CPNE4: variants seen among roughly 807,000 people sequenced by gnomAD.
CPNE4 encodes the protein copine-4.
In CPNE4, 25 loss-of-function variants were observed where a neutral mutation model predicts 67.9. The ratio of observed to expected loss-of-function variants is 0.37; its 90% CI spans 0.27 to 0.51. The LOEUF (loss-of-function observed/expected upper bound fraction) is 0.51. Among genes scored for constraint, CPNE4 ranks in the 20% least tolerant of loss-of-function variants. The pLI is 0.93. For synonymous variants in CPNE4, 242 were observed against 244.9 expected, an observed-to-expected ratio of 0.99 and a Z score of 0.11; for missense variants, 464 against 690.8, an observed-to-expected ratio of 0.67 and a Z score of 3.68.
chr3:131,983,670 A>G (rs902311778), intron 1 of CPNE4, among the ~76,000 whole-genome samples: 1 of 152,204 alleles, frequency 6.6e-6, no homozygotes, highest in African/African-American at 2.4e-5. Context: ...TGGATTTGAG[A>G]ACAAGCAAAG....
chr3:131,817,787 C>T (rs931003800), intron 2 of CPNE4, among the ~76,000 whole-genome samples: 2 of 152,188 alleles, frequency 1.3e-5, no homozygotes, highest in Non-Finnish European at 2.9e-5. Flanking sequence ...GACGTATTCT[C>T]TTGAATGACT....
intron 2 of CPNE4, among the ~76,000 whole-genome samples, chr3:131,849,960 C>T (rs184961293): frequency 2.6e-5 from 4 of 152,166 alleles, no homozygotes; most frequent in African/African-American, 9.6e-5. Context: ...GCATAAAAAG[C>T]TAGGAGTATC....
chr3:131,606,415 A>G (rs533073254), intron 7 of CPNE4, among the ~76,000 whole-genome samples: 1 of 152,172 alleles, frequency 6.6e-6, no homozygotes, highest in Non-Finnish European at 1.5e-5. Flanking sequence ...TAGTTTTGCT[A>G]CTGCTATGTC....
At chr3:131,768,072 G>A (rs1046001884) in intron 2 of CPNE4, among the ~76,000 whole-genome samples, 1 of 152,104 alleles carries the variant, frequency 6.6e-6, no homozygotes, top group African/African-American at 2.4e-5. Context: ...CTGAGATTTA[G>A]GATTGTAATC....
At chr3:131,751,779 TTTTG>T (rs139264698) in intron 2 of CPNE4, among the ~76,000 whole-genome samples, 30,781 of 150,350 alleles carry the variant, frequency 0.2, 3,834 homozygotes, top group Non-Finnish European at 0.27. Context: ...TTTTTTGTTT[TTTTG>T]TTTGTTTGTT....
At chr3:131,800,246 C>T (rs926213293) in intron 2 of CPNE4, among the ~76,000 whole-genome samples, 3 of 152,082 alleles carry the variant, frequency 2.0e-5, no homozygotes, top group African/African-American at 4.8e-5. Context: ...GCCTGAAAAC[C>T]TTTCCTAACC....
intron 2 of CPNE4, among the ~76,000 whole-genome samples, chr3:131,816,126 G>A (rs2084731016): frequency 6.6e-6 from 1 of 152,108 alleles, no homozygotes; most frequent in Non-Finnish European, 1.5e-5. Flanking sequence ...TTGGAGTATG[G>A]AAAAAGATCC....
rs186551962 is a variant in CPNE4, at chr3:131,610,165, A to C, written c.682-22583T>G. 1.1e-3 allele frequency among the ~76,000 whole-genome samples: 172 copies of C among 152,102 alleles called. 1 individual carries two copies. Among genetic ancestry groups the C allele is most frequent in the Non-Finnish European group, 1.5e-4 (10 of 67,980 alleles). On this transcript the variant is annotated intron_variant, in intron 7 of 15. Coordinates refer to ENST00000429747, the MANE Select transcript of CPNE4 (RefSeq NM_130808.3). ...CTAACCATGGGCCAGGTACTGTGCT[A>C]GTCACTGTAGATAAAATGATGAACA...
chr3:131,743,962 C>CAAAAAAAAAAAA (rs67791015), intron 2 of CPNE4, among the ~76,000 whole-genome samples: 13 of 59,154 alleles, frequency 2.2e-4, no homozygotes, highest in Admixed American at 2.8e-4. Context: ...GACTCCGTCT[C>CAAAAAAAAAAAA]AAAAAAAAAA....
At chr3:131,849,831 C>G (rs112987492) in intron 2 of CPNE4, among the ~76,000 whole-genome samples, 181 of 152,290 alleles carry the variant, frequency 1.2e-3, no homozygotes, top group Admixed American at 1.8e-3. Flanking sequence ...AACTGGCTGT[C>G]AGCCAACCAC....
chr3:131,996,403 A>C (rs1011125542), intron 1 of CPNE4, among the ~76,000 whole-genome samples: 7 of 152,086 alleles, frequency 4.6e-5, no homozygotes, highest in Non-Finnish European at 1.0e-4. Flanking sequence ...AGTAGGAGGG[A>C]AAAGAGTCAT....
chr3:131,571,529 T>TGTCA (rs1207119401), intron 10 of CPNE4, among the ~76,000 whole-genome samples: 6 of 152,202 alleles, frequency 3.9e-5, no homozygotes, highest in Admixed American at 1.3e-4. Context: ...CACTATGCTC[T>TGTCA]GTCAGTCAGG....
intron 1 of CPNE4, among the ~76,000 whole-genome samples, chr3:131,959,800 C>G (rs1191650080): frequency 1.3e-5 from 2 of 152,166 alleles, no homozygotes; most frequent in Non-Finnish European, 2.9e-5. Flanking sequence ...CCCACTCACA[C>G]AAAGCCACCT....
At chr3:131,743,941 C>A (rs1365640015) in intron 2 of CPNE4, among the ~76,000 whole-genome samples, 5 of 100,062 alleles carry the variant, frequency 5.0e-5, no homozygotes, top group Non-Finnish European at 6.9e-5. Flanking sequence ...CCAGCCTGGG[C>A]GACAGAGCGA....
rs562792628 is a variant in CPNE4, at chr3:131,644,344, T to C, written c.681+25331A>G. 5.9e-5 allele frequency among the ~76,000 whole-genome samples: 9 copies of C among 152,198 alleles called. No homozygotes were observed. In the South Asian group the frequency reaches 1.7e-3, roughly 28 times the overall value. Reference sequence around the variant, plus strand: ...TTGTATTTTTATTGGAGACAGGGTTTCACCATGTTAACCAGGATGGTCTTG... The same window carrying C: ...TTGTATTTTTATTGGAGACAGGGTTCCACCATGTTAACCAGGATGGTCTTG... On this transcript the variant is annotated intron_variant, in intron 7 of 15. Coordinates refer to ENST00000429747, the MANE Select transcript of CPNE4 (RefSeq NM_130808.3).
At chr3:131,706,467 G>A (rs2081416014) in intron 3 of CPNE4, among the ~76,000 whole-genome samples, 1 of 152,168 alleles carries the variant, frequency 6.6e-6, no homozygotes, top group Non-Finnish European at 1.5e-5. Context: ...GAAAATTGAG[G>A]TATACAGAAT....
intron 2 of CPNE4, 64 bp from the exon 3 acceptor site, chr3:131,723,689 A>C: frequency 7.0e-7 from 1 of 1,431,540 alleles, no homozygotes; most frequent in Non-Finnish European, 9.6e-7. Flanking sequence ...CGTTCAAGAA[A>C]ATTCATCTCA....
chr3:131,735,246 C>G (rs924124866), intron 2 of CPNE4, among the ~76,000 whole-genome samples: 7 of 152,288 alleles, frequency 4.6e-5, no homozygotes, highest in African/African-American at 1.7e-4. Context: ...AACCCTACTG[C>G]AAAAACATCA....
intron 3 of CPNE4, among the ~76,000 whole-genome samples, chr3:131,701,421 A>G (rs1020756665): frequency 1.2e-4 from 19 of 152,158 alleles, no homozygotes; most frequent in African/African-American, 3.4e-4. Flanking sequence ...ACTTGCTTCT[A>G]AAAAATAGAA....
Sources: gnomAD v4.1 joint callset for allele counts (sites outside exome capture counted in the v4.1 genomes callset) on GRCh38, gnomAD v4.1.1 for gene constraint, MANE v1.5 for transcripts, NCBI Gene and HGNC (gene_info 2026-07-23, HGNC 2026-07-21) for gene names.